EVI5: variants seen among roughly 807,000 people sequenced by gnomAD.
EVI5 encodes ecotropic viral integration site 5.
Under a neutral mutation model 112.0 loss-of-function variants are expected in EVI5, and 73 were observed. The observed-to-expected ratio is 0.65, with a 90% CI of 0.54 to 0.79. The LOEUF is 0.79. Ranked by LOEUF, EVI5 falls within the 30% of genes least tolerant of loss-of-function variation. The pLI is 0.00. For synonymous variants in EVI5, 305 were observed against 319.9 expected (o/e 0.95, Z 0.50); for missense variants, 900 against 968.8 (o/e 0.93, Z 0.94).
chr1:92,695,934 C>CTTT (rs1199108717), intron 6 of EVI5, among the ~76,000 whole-genome samples: 1 of 144,434 alleles, frequency 6.9e-6, no homozygotes, highest in African/African-American at 2.5e-5. Context: ...ATAAATGAGA[C>CTTT]TTTTTTTTTT....
intron 1 of EVI5, among the ~76,000 whole-genome samples, chr1:92,782,312 GA>G (rs562584280): frequency 6.6e-6 from 1 of 150,388 alleles, no homozygotes; most frequent in Admixed American, 6.6e-5. Flanking sequence ...CTCCAGGCAT[GA>G]AAAAAAACAC....
intron 16 of EVI5, among the ~76,000 whole-genome samples, chr1:92,615,384 A>T (rs775896107): frequency 2.0e-5 from 3 of 152,158 alleles, no homozygotes; most frequent in Non-Finnish European, 4.4e-5. Flanking sequence ...GACAGTCACA[A>T]GCTCTTCATG....
intron 2 of EVI5, among the ~76,000 whole-genome samples, chr1:92,711,033 A>C (rs1432817895): frequency 6.6e-6 from 1 of 152,196 alleles, no homozygotes; most frequent in Non-Finnish European, 1.5e-5. Context: ...GACAGAGTAC[A>C]GACTTCACGA....
chr1:92,583,145 A>G (rs1672217200), intron 18 of EVI5, among the ~76,000 whole-genome samples: 1 of 152,190 alleles, frequency 6.6e-6, no homozygotes, highest in Non-Finnish European at 1.5e-5. Flanking sequence ...AGAATATTCC[A>G]GAGTATAAAT....
intron 13 of EVI5, among the ~76,000 whole-genome samples, chr1:92,642,800 T>G (rs1557979424): frequency 1.8e-5 from 1 of 56,516 alleles, no homozygotes; most frequent in Non-Finnish European, 3.3e-5. Context: ...CTGTCTAGCC[T>G]CCCATTAAGT....
intron 1 of EVI5, among the ~76,000 whole-genome samples, chr1:92,776,027 G>GA (rs934117391): frequency 6.6e-6 from 1 of 150,610 alleles, no homozygotes; most frequent in Admixed American, 6.6e-5. Flanking sequence ...AGAATGGCGT[G>GA]AACCCGGGAG....
At chr1:92,649,135 G>A (rs1399281656) in intron 13 of EVI5, among the ~76,000 whole-genome samples, 2 of 152,114 alleles carry the variant, frequency 1.3e-5, no homozygotes, top group Non-Finnish European at 2.9e-5. Context: ...ATGATGTTGA[G>A]CATCTTTTCA....
intron 18 of EVI5, among the ~76,000 whole-genome samples, chr1:92,589,510 G>A (rs188963825): frequency 2.5e-3 from 375 of 152,262 alleles, no homozygotes; most frequent in Middle Eastern, 6.8e-3. Context: ...ACAGAGTCTC[G>A]CTCATTGCTA....
At chr1:92,697,748 A>G in intron 6 of EVI5, 112 bp downstream of exon 6, 3 of 847,994 alleles carry the variant, frequency 3.5e-6, no homozygotes, top group Non-Finnish European at 5.5e-6. Flanking sequence ...TAAAACACTT[A>G]CTTCTTCAAG....
In EVI5 at chr1:92,646,711, T is replaced by A. The variant is rs933481722; in HGVS notation, c.1393-10375A>T. Among the ~76,000 whole-genome samples the A allele has an allele frequency of 5.9e-5, 9 of 152,354 alleles. 1 individual carries two copies. Among genetic ancestry groups the A allele is most frequent in the Admixed American group, 3.9e-4 (6 of 15,302 alleles). On this transcript the variant is annotated intron_variant, in intron 13 of 19. Coordinates refer to ENST00000684568, the MANE Select transcript of EVI5 (RefSeq NM_001350197.2). ...TTAATACCACCTTACAAATGTTTTT[T>A]AAAATGTCAGAAATATCTTTAAATG...
intron 2 of EVI5, among the ~76,000 whole-genome samples, chr1:92,716,980 T>G (rs191758251): frequency 1.3e-5 from 2 of 151,664 alleles, no homozygotes; most frequent in African/African-American, 4.8e-5. Flanking sequence ...AATAACAAAC[T>G]TCTCCGAGCT....
intron 2 of EVI5, among the ~76,000 whole-genome samples, chr1:92,728,612 T>TC (rs2102751319): frequency 6.6e-6 from 1 of 152,312 alleles, no homozygotes; most frequent in African/African-American, 2.4e-5. Flanking sequence ...GGTCTTGAAC[T>TC]CCTGATCTCA....
At chr1:92,772,408 A>AAC (rs1424106116) in intron 1 of EVI5, among the ~76,000 whole-genome samples, 1 of 150,724 alleles carries the variant, frequency 6.6e-6, no homozygotes, top group Admixed American at 6.6e-5. Context: ...CATCCTGGCT[A>AAC]ACACAGTGAA....
chr1:92,742,088 A>G (rs529160216), intron 1 of EVI5, among the ~76,000 whole-genome samples: 148 of 152,268 alleles, frequency 9.7e-4, no homozygotes, highest in African/African-American at 3.5e-3. Flanking sequence ...AGAATATATA[A>G]AGAACTCCTA....
At chr1:92,783,497 A>AG (rs1685149864) in intron 1 of EVI5, among the ~76,000 whole-genome samples, 2 of 127,406 alleles carry the variant, frequency 1.6e-5, no homozygotes, top group Admixed American at 1.7e-4. Flanking sequence ...AAAAAAAAAA[A>AG]AAAAAAAAAA....
At chr1:92,567,623 A>C (rs972712047) in intron 18 of EVI5, among the ~76,000 whole-genome samples, 6 of 152,250 alleles carry the variant, frequency 3.9e-5, no homozygotes, top group Non-Finnish European at 7.3e-5. Flanking sequence ...CATATAGCCT[A>C]GGTGAGTAGT....
chr1:92,525,793 C>G (rs1318748133), intron 19 of EVI5, among the ~76,000 whole-genome samples: 3 of 152,150 alleles, frequency 2.0e-5, no homozygotes, highest in African/African-American at 7.2e-5. Context: ...TCTTTCGGAC[C>G]CAGGCTCTCA....
At chr1:92,750,347 A>T (rs980569045) in intron 1 of EVI5, among the ~76,000 whole-genome samples, 30 of 152,352 alleles carry the variant, frequency 2.0e-4, no homozygotes, top group African/African-American at 7.2e-4. Flanking sequence ...TTATTTTAAT[A>T]CAAAACCAAA....
chr1:92,730,155 A>C (rs1676213029), intron 2 of EVI5, among the ~76,000 whole-genome samples: 1 of 152,194 alleles, frequency 6.6e-6, no homozygotes, highest in South Asian at 2.1e-4. Flanking sequence ...ACTTGAGCCC[A>C]GGAGTTTAAG....
Sources: gnomAD v4.1 joint callset for allele counts (sites outside exome capture counted in the v4.1 genomes callset) on GRCh38, gnomAD v4.1.1 for gene constraint, MANE v1.5 for transcripts, NCBI Gene and HGNC (gene_info 2026-07-23, HGNC 2026-07-21) for gene names.